Variants in NEIL3 observed in about 807,000 individuals in gnomAD.
NEIL3 encodes the protein nei like DNA glycosylase 3.
Under a neutral mutation model 57.5 loss-of-function variants are expected in NEIL3, and 48 were observed. The observed-to-expected ratio is 0.83, with a 90% CI of 0.66 to 1.06. The LOEUF (loss-of-function observed/expected upper bound fraction) is 1.06. NEIL3 is among the 50% of genes least tolerant of loss of function. The probability of loss-of-function intolerance (pLI) is 0.00; values close to 1 mark genes in which losing one functional copy is unlikely to be tolerated. For synonymous variants in NEIL3, 261 were observed against 253.2 expected (o/e 1.03, Z -0.29); for missense variants, 717 against 739.1 (o/e 0.97, Z 0.35).
chr4:177,358,370 C>T (rs1000672929), intron 8 of NEIL3, among the ~76,000 whole-genome samples: 1 of 152,032 alleles, frequency 6.6e-6, no homozygotes, highest in Non-Finnish European at 1.5e-5. Context: ...TGCAATGGCG[C>T]GATCTCAGCT....
chr4:177,334,323 A>C (rs1192340923), intron 2 of NEIL3, among the ~76,000 whole-genome samples: 1 of 152,160 alleles, frequency 6.6e-6, no homozygotes, highest in Non-Finnish European at 1.5e-5. Context: ...AAACAAAATA[A>C]ATAAAAATTT....
intron 1 of NEIL3, among the ~76,000 whole-genome samples, chr4:177,317,390 T>C (rs981345141): frequency 3.3e-5 from 5 of 152,180 alleles, no homozygotes; most frequent in African/African-American, 1.2e-4. Context: ...TGTGAAGATA[T>C]ATAATGGTCT....
intron 1 of NEIL3, among the ~76,000 whole-genome samples, chr4:177,315,099 G>T (rs1560906535): frequency 6.7e-6 from 1 of 149,602 alleles, no homozygotes; most frequent in African/African-American, 2.5e-5. Context: ...ATGTGTTGTT[G>T]TACTGGGGGG....
intron 8 of NEIL3, among the ~76,000 whole-genome samples, chr4:177,358,154 C>T (rs1297173853): frequency 6.6e-6 from 1 of 152,154 alleles, no homozygotes; most frequent in African/African-American, 2.4e-5. Flanking sequence ...ATCCTGCTAA[C>T]ATGCAGATTC....
intron 1 of NEIL3, among the ~76,000 whole-genome samples, chr4:177,319,003 C>T (rs35072580): frequency 5.1e-4 from 77 of 152,246 alleles, no homozygotes; most frequent in African/African-American, 1.7e-3. Context: ...CCAGATGTCA[C>T]GTGCCACTTT....
chr4:177,340,322 A>T (rs932589119), intron 5 of NEIL3, among the ~76,000 whole-genome samples: 1 of 152,218 alleles, frequency 6.6e-6, no homozygotes, highest in East Asian at 1.9e-4. Flanking sequence ...GTAAAATGGG[A>T]TAATAATGTT....
At chr4:177,353,157 C>T (rs1221980127) in intron 7 of NEIL3, 151 bp from the exon 8 acceptor site, 3 of 626,384 alleles carry the variant, frequency 4.8e-6, no homozygotes, top group East Asian at 5.9e-5. Flanking sequence ...TTAATTCTGA[C>T]TTGTCTGAGC....
chr4:177,339,662 A>G (rs895358199), intron 4 of NEIL3, 121 bp from the exon 5 acceptor site: 9 of 677,516 alleles, frequency 1.3e-5, no homozygotes, highest in Non-Finnish European at 2.0e-5. Flanking sequence ...CATGTTGTTC[A>G]AAGGTCAGCT....
intron 6 of NEIL3, among the ~76,000 whole-genome samples, chr4:177,347,056 A>G (rs2110921160): frequency 6.6e-6 from 1 of 152,226 alleles, no homozygotes; most frequent in Middle Eastern, 3.4e-3. Flanking sequence ...TGTATAAGAC[A>G]TGAGGCGATG....
At chr4:177,311,136 T>C (rs1229402008) in intron 1 of NEIL3, among the ~76,000 whole-genome samples, 1 of 152,092 alleles carries the variant, frequency 6.6e-6, no homozygotes, top group East Asian at 1.9e-4. Flanking sequence ...TTTTAGATGG[T>C]TTCTTAAGAA....
intron 8 of NEIL3, among the ~76,000 whole-genome samples, chr4:177,354,783 T>C (rs939557730): frequency 6.6e-6 from 1 of 152,182 alleles, no homozygotes; most frequent in African/African-American, 2.4e-5. Flanking sequence ...CGCCTGGCGT[T>C]GTTCTTTAAC....
intron 6 of NEIL3, among the ~76,000 whole-genome samples, chr4:177,342,704 A>G (rs776508585): frequency 2.0e-5 from 3 of 152,228 alleles, no homozygotes; most frequent in Non-Finnish European, 2.9e-5. Flanking sequence ...AAAAAATAGA[A>G]TTTTGATTAA....
intron 7 of NEIL3, 138 bp downstream of exon 7, chr4:177,351,687 G>T: frequency 1.4e-6 from 1 of 693,764 alleles, no homozygotes. Context: ...GGAATTGCCA[G>T]TTTTCACATG....
At chr4:177,366,674 C>A (rs1330342609), downstream of NEIL3, among the ~76,000 whole-genome samples, 2 of 152,234 alleles carry the variant, frequency 1.3e-5, no homozygotes, top group Non-Finnish European at 2.9e-5. Flanking sequence ...GCTGGGATTA[C>A]AGGCGTGAGC....
chr4:177,349,034 ATTTTTTTTT>A (rs70938582), intron 6 of NEIL3, among the ~76,000 whole-genome samples: 1 of 100,458 alleles, frequency 1.0e-5, no homozygotes, highest in Non-Finnish European at 1.9e-5. Flanking sequence ...CACCTGGCTA[ATTTTTTTTT>A]TTTTTTTTTT....
chr4:177,346,192 A>G (rs1412269286), intron 6 of NEIL3, among the ~76,000 whole-genome samples: 1 of 151,962 alleles, frequency 6.6e-6, no homozygotes. Flanking sequence ...TAAATTTTTA[A>G]AATTTTAATC....
intron 6 of NEIL3, chr4:177,343,683 C>T (rs1389944784): frequency 6.6e-6 from 1 of 152,142 alleles, no homozygotes; most frequent in East Asian, 1.9e-4. Context: ...TCTTCTTCCA[C>T]TCAGCCGCTT....
intron 8 of NEIL3, among the ~76,000 whole-genome samples, chr4:177,354,911 G>A (rs2110934946): frequency 6.6e-6 from 1 of 152,192 alleles, no homozygotes; most frequent in East Asian, 1.9e-4. Context: ...ACATGTCCAG[G>A]AGAACACCCT....
intron 2 of NEIL3, among the ~76,000 whole-genome samples, chr4:177,331,533 C>A (rs948001409): frequency 1.8e-4 from 27 of 152,018 alleles, no homozygotes; most frequent in African/African-American, 5.8e-4. Flanking sequence ...AATCACCTGT[C>A]TCATAGATAT....
Sources: gnomAD v4.1 joint callset for allele counts (sites outside exome capture counted in the v4.1 genomes callset) on GRCh38, gnomAD v4.1.1 for gene constraint, MANE v1.5 for transcripts, NCBI Gene and HGNC (gene_info 2026-07-23, HGNC 2026-07-21) for gene names.